Variants in EGLN1 observed in about 807,000 individuals in gnomAD.
EGLN1 encodes egl-9 family hypoxia inducible factor 1.
In EGLN1, 17 loss-of-function variants were observed where a neutral mutation model predicts 38.3. The ratio of observed to expected loss-of-function variants is 0.44; its 90% CI spans 0.30 to 0.67. The LOEUF is 0.67. EGLN1 is among the 30% of genes least tolerant of loss of function. EGLN1 has a pLI of 0.08. For synonymous variants in EGLN1, 283 were observed against 257.5 expected (o/e 1.10, Z -0.95); for missense variants, 477 against 603.3 (o/e 0.79, Z 2.19).
At chr1:231,388,471 GTC>G (rs1204190169) in intron 1 of EGLN1, among the ~76,000 whole-genome samples, 5 of 152,018 alleles carry the variant, frequency 3.3e-5, no homozygotes, top group African/African-American at 1.2e-4. Flanking sequence ...GCTAGTGTCT[GTC>G]TCTGTCTCGC....
rs755769412 is a variant in EGLN1, at chr1:231,421,373, C to T, written c.516G>A (p.Ala172=). 1.6e-5 allele frequency: 25 copies of T among 1,608,474 alleles called. No homozygotes were observed. The South Asian group carries it at 2.6e-4, about 17-fold the overall frequency. The part of the protein sequence containing the change: ...LYPPSNTPGD[A]LSPGGGLRPN... ...GCCGCAGGCCGCCGCCGGGGCTCAG[C>T]GCATCCCCGGGCGTGTTGCTTGGGG... Residue 172 remains alanine (A), a synonymous_variant, in exon 1 of 5, where the codon GCG becomes GCA. Transcript: ENST00000366641. This position sits in a 1 kb window ranked among gnomAD's most constrained non-coding sequence, Gnocchi z 5.5.
At position 231,366,124 on chromosome 1, in the gene EGLN1, A is replaced by G. The variant is rs1217773642; in HGVS notation, c.*287T>C. ...CAGATCTGGCAAAATATAAGAATGA[A>G]AAAAATTCTACACAGGGCACTTATT... On this transcript the variant is annotated 3_prime_UTR_variant, in exon 5 of 5. Coordinates refer to ENST00000366641, the MANE Select transcript of EGLN1 (RefSeq NM_022051.3). 1 of 442,634 alleles carries G rather than the reference A, an allele frequency of 2.3e-6. No homozygotes were observed. The highest frequency in any genetic ancestry group is 2.0e-5 in the African/African-American group (1 of 50,510). 27.4% of individuals were successfully genotyped at this position (442,634 alleles called of 1,614,324 possible).
intron 2 of EGLN1, among the ~76,000 whole-genome samples, chr1:231,373,011 A>G (rs1159927000): frequency 6.6e-6 from 1 of 152,198 alleles, no homozygotes; most frequent in Non-Finnish European, 1.5e-5. Flanking sequence ...TATACTTAAG[A>G]TTTTAAAAAA....
intron 1 of EGLN1, among the ~76,000 whole-genome samples, chr1:231,397,744 T>C (rs770791022): frequency 6.6e-6 from 1 of 152,186 alleles, no homozygotes; most frequent in Non-Finnish European, 1.5e-5. Context: ...ATTAGAATGT[T>C]GCAAGAAGAT....
Position 231,421,850 on chromosome 1 carries a change from C to A in EGLN1, c.39G>T (p.Pro13=). 1 of 1,493,864 alleles carries A rather than the reference C, an allele frequency of 6.7e-7. No individual in the cohort carries two copies. The highest frequency in any genetic ancestry group is 8.8e-7 in the Non-Finnish European group (1 of 1,130,320). 92.5% of individuals were successfully genotyped at this position (1,493,864 alleles called of 1,614,324 possible). Residue 13 remains proline (P), a synonymous_variant, in exon 1 of 5, where the codon CCG becomes CCT. Coordinates refer to ENST00000366641, the MANE Select transcript of EGLN1 (RefSeq NM_022051.3). This position sits in a 1 kb window ranked among gnomAD's most constrained non-coding sequence, Gnocchi z 5.5. The stretch of plus-strand genomic sequence containing the variant: ...CGCAGTACTGCCGGTCTCGCTCGCT[C>A]GGGCTCGGCCCGCCGGGCCCGCCGC... ...NDSGGPGGPS[P]SERDRQYCEL... is the part of the protein sequence containing the mutation.
intron 1 of EGLN1, among the ~76,000 whole-genome samples, chr1:231,397,392 G>A (rs1416915): frequency 0.011 from 1,607 of 152,324 alleles, 41 homozygotes; most frequent in African/African-American, 0.037. Flanking sequence ...GTTACCTGTG[G>A]CTTCAAATAT....
Position 231,374,074 on chromosome 1 carries a change from T to A in EGLN1, c.917A>T (p.Asn306Ile). The A allele has an allele frequency of 6.2e-7, 1 of 1,613,674 alleles. No individual in the cohort carries two copies. The highest frequency in any genetic ancestry group is 1.7e-5 in the Admixed American group (1 of 60,016). ...AACATGACGTACATAACCCGTTCCA[T>A]TGCCCGGATAACAAGCAACCATGGC... ...TKAMVACYPG[N>I]GTGYVRHVDN... The change falls in exon 2 of 5, where the codon AAT becomes ATT. Residue 306 changes from asparagine to isoleucine, a missense_variant. By Grantham distance (149) the Asn-to-Ile change is moderately radical. Coordinates refer to ENST00000366641, the MANE Select transcript of EGLN1 (RefSeq NM_022051.3).
At chr1:231,374,985 G>GT (rs1163996240) in intron 1 of EGLN1, among the ~76,000 whole-genome samples, 5 of 152,000 alleles carry the variant, frequency 3.3e-5, no homozygotes, top group Non-Finnish European at 5.9e-5. Flanking sequence ...ACTGAAATTG[G>GT]TAATGGTATT....
chr1:231,421,119 G>A lies in EGLN1; in HGVS notation c.770C>T (p.Thr257Ile), dbSNP rs911032039. The change falls in exon 1 of 5, where the codon ACC becomes ATC. Residue 257 changes from threonine to isoleucine, a missense_variant. Physicochemically the swap from Thr to Ile is moderately conservative, Grantham distance 89. Coordinates refer to ENST00000366641, the MANE Select transcript of EGLN1 (RefSeq NM_022051.3). This position sits in a 1 kb window ranked among gnomAD's most constrained non-coding sequence, Gnocchi z 5.5. ...GCCGGGCTCCTTGCCCTCGATCCAG[G>A]TGATCTTATCGCCTCGGATGTCCTT... ...SSKDIRGDKI[T>I]WIEGKEPGCE... The A allele has an allele frequency of 6.2e-7, 1 of 1,614,178 alleles. No individual in the cohort carries two copies. The highest frequency in any genetic ancestry group is 8.5e-7 in the Non-Finnish European group (1 of 1,180,034).
At chr1:231,371,902 G>A (rs2102896030) in intron 2 of EGLN1, among the ~76,000 whole-genome samples, 1 of 152,292 alleles carries the variant, frequency 6.6e-6, no homozygotes, top group East Asian at 1.9e-4. Flanking sequence ...GGTTTATCAG[G>A]CTCACTGTCA....
intron 1 of EGLN1, among the ~76,000 whole-genome samples, chr1:231,416,993 T>G (rs950425428): frequency 6.6e-6 from 1 of 152,234 alleles, no homozygotes; most frequent in Admixed American, 6.5e-5. Context: ...GGTGTACTTA[T>G]GTATTTAGGT....
intron 1 of EGLN1, among the ~76,000 whole-genome samples, chr1:231,392,899 A>T (rs1227754228): frequency 6.6e-6 from 1 of 152,102 alleles, no homozygotes; most frequent in Non-Finnish European, 1.5e-5. Context: ...GGAAAGCCTG[A>T]CCTGTAGTCC....
At chr1:231,399,626 A>C (rs1688615692) in intron 1 of EGLN1, among the ~76,000 whole-genome samples, 1 of 152,218 alleles carries the variant, frequency 6.6e-6, no homozygotes, top group Non-Finnish European at 1.5e-5. Flanking sequence ...GCTATGTGCC[A>C]GGTACAGTGC....
At chr1:231,399,220 TTC>T in intron 1 of EGLN1, among the ~76,000 whole-genome samples, 1 of 152,288 alleles carries the variant, frequency 6.6e-6, no homozygotes, top group Non-Finnish European at 1.5e-5. Flanking sequence ...ACTACAGTGT[TTC>T]AGACCCTATA....
Position 231,366,325 on chromosome 1 carries a change from T to C in EGLN1, c.*86A>G. 6.9e-7 allele frequency: 1 copy of C among 1,458,620 alleles called. No individual in the cohort carries two copies. The highest frequency in any genetic ancestry group is 9.6e-7 in the Non-Finnish European group (1 of 1,045,634). The allele number at this position is 1,458,620 out of a possible 1,614,324, so 90.4% of individuals were successfully genotyped here. A position where few individuals can be genotyped will look rare whatever the true frequency, so the allele number is the denominator to read the frequency against. ...TAAAATGCGAACTGGTTGTCTATTTTTCTTTATCCCATTTATTCGTATTCA... is the reference window on the plus strand; with the variant it reads ...TAAAATGCGAACTGGTTGTCTATTTCTCTTTATCCCATTTATTCGTATTCA... On this transcript the variant is annotated 3_prime_UTR_variant, in exon 5 of 5. Transcript: ENST00000366641.
intron 1 of EGLN1, among the ~76,000 whole-genome samples, chr1:231,406,256 G>C (rs1688792101): frequency 6.6e-6 from 1 of 151,966 alleles, no homozygotes; most frequent in Non-Finnish European, 1.5e-5. Context: ...GAGGCAGTGG[G>C]AGCAGGGGAC....
rs758020025 is a variant in EGLN1, at chr1:231,365,597, C to CACTCTT, written c.*813_*814insAAGAGT. The CACTCTT allele has an allele frequency of 1.3e-5, 2 of 152,214 alleles. No individual in the cohort carries two copies. Among genetic ancestry groups the CACTCTT allele is most frequent in the Non-Finnish European group, 2.9e-5 (2 of 68,174 alleles). 9.4% of individuals were successfully genotyped at this position (152,214 alleles called of 1,614,324 possible). A position where few individuals can be genotyped will look rare whatever the true frequency, so the allele number is the denominator to read the frequency against. The stretch of plus-strand genomic sequence containing the variant: ...AGGTTGCAGTGAGCCAAGAATGCAC[C>CACTCTT]ACTCCCCTCCAGCCTGGGTAACAGA... On this transcript the variant is annotated 3_prime_UTR_variant, in exon 5 of 5. Coordinates refer to ENST00000366641, the MANE Select transcript of EGLN1 (RefSeq NM_022051.3).
At position 231,422,098 on chromosome 1, in the gene EGLN1, C is replaced by G. The variant is rs1572058685; in HGVS notation, c.-210G>C. On this transcript the variant is annotated 5_prime_UTR_variant, in exon 1 of 5. Coordinates refer to ENST00000366641, the MANE Select transcript of EGLN1 (RefSeq NM_022051.3). ...AGCTCCGGCGCAGCGCCGGCAGCCGCCTCAGCGCCTCATCGCCGCCGAGGG... is the reference window on the plus strand; with the variant it reads ...AGCTCCGGCGCAGCGCCGGCAGCCGGCTCAGCGCCTCATCGCCGCCGAGGG... 8 of 416,290 alleles carry G rather than the reference C, an allele frequency of 1.9e-5. No individual in the cohort carries two copies. The East Asian group carries it at 3.4e-4, about 18-fold the overall frequency. The allele number at this position is 416,290 out of a possible 1,614,324, so 25.8% of individuals were successfully genotyped here. A position where few individuals can be genotyped will look rare whatever the true frequency, so the allele number is the denominator to read the frequency against.
chr1:231,369,644 A>G (rs1418932398), intron 3 of EGLN1: 1 of 956,354 alleles, frequency 1.0e-6, no homozygotes, highest in East Asian at 1.2e-4. Context: ...AGGCAGGAAG[A>G]AAAAAGGCAC....
Sources: gnomAD v4.1 joint callset for allele counts (sites outside exome capture counted in the v4.1 genomes callset) on GRCh38, gnomAD v4.1.1 for gene constraint, Gnocchi (gnomAD v3.1) non-coding constraint, MANE v1.5 for transcripts, NCBI Gene and HGNC (gene_info 2026-07-23, HGNC 2026-07-21) for gene names.